Variants in PDE10A observed in about 807,000 individuals in gnomAD.
PDE10A encodes cAMP and cAMP-inhibited cGMP 3',5'-cyclic phosphodiesterase 10A.
A neutral mutation model predicts 97.7 loss-of-function variants in PDE10A; 39 were observed. That is an observed-to-expected ratio of 0.40 (90% CI 0.31 to 0.52). PDE10A has a LOEUF of 0.52. PDE10A is among the 20% of genes least tolerant of loss of function. PDE10A has a pLI of 0.56. For missense variants in PDE10A, 731 were observed against 1,047.8 expected, an observed-to-expected ratio of 0.70 and a Z score of 4.17; for synonymous variants, 371 against 376.8, an observed-to-expected ratio of 0.98 and a Z score of 0.18.
intron 1 of PDE10A, among the ~76,000 whole-genome samples, chr6:165,930,033 CA>C (rs1783079302): frequency 6.8e-6 from 1 of 148,118 alleles, no homozygotes; most frequent in South Asian, 2.2e-4. Context: ...CATATCACTC[CA>C]GAAATGAGGG....
At chr6:165,875,560 A>G (rs1055582918) in intron 1 of PDE10A, among the ~76,000 whole-genome samples, 1 of 152,206 alleles carries the variant, frequency 6.6e-6, no homozygotes, top group Non-Finnish European at 1.5e-5. Flanking sequence ...TTGATTTTAT[A>G]AGTTTTTACT....
intron 2 of PDE10A, among the ~76,000 whole-genome samples, chr6:165,483,801 A>T (rs1171939637): frequency 6.6e-6 from 1 of 152,232 alleles, no homozygotes; most frequent in East Asian, 1.9e-4. Flanking sequence ...TCTGAAAATT[A>T]GTTCAAGGAC....
chr6:165,577,945 T>C (rs1055326456), intron 1 of PDE10A, among the ~76,000 whole-genome samples: 3 of 152,092 alleles, frequency 2.0e-5, no homozygotes, highest in Non-Finnish European at 2.9e-5. Flanking sequence ...TCTCTAAACA[T>C]GGGCCCTGCC....
chr6:165,884,237 G>A (rs1009660828), intron 1 of PDE10A, among the ~76,000 whole-genome samples: 2 of 152,184 alleles, frequency 1.3e-5, no homozygotes, highest in African/African-American at 2.4e-5. Flanking sequence ...AGGCAAGGGT[G>A]GGGGACAGGA....
intron 1 of PDE10A, among the ~76,000 whole-genome samples, chr6:165,966,248 G>A (rs1784507375): frequency 6.6e-6 from 1 of 152,240 alleles, no homozygotes; most frequent in Non-Finnish European, 1.5e-5. Context: ...GGTAAGTCAG[G>A]TCACTGTGAG....
In PDE10A at chr6:165,418,601, G is replaced by A. The variant is rs374186722; in HGVS notation, c.1796+34C>T. The A allele has an allele frequency of 1.1e-4, 182 of 1,600,128 alleles. 1 individual carries two copies. Among genetic ancestry groups the A allele is most frequent in the South Asian group, 9.5e-4 (86 of 90,738 alleles). ...GTAACGGAACGCCTGCACATCTACCGTAAGAGGATAGGACATTCTACTTCT... is the reference window on the plus strand; with the variant it reads ...GTAACGGAACGCCTGCACATCTACCATAAGAGGATAGGACATTCTACTTCT... On this transcript the variant is annotated intron_variant, in intron 11 of 21. Transcript: ENST00000539869. This position sits in a 1 kb window ranked among gnomAD's most constrained non-coding sequence, Gnocchi z 4.8.
intron 1 of PDE10A, among the ~76,000 whole-genome samples, chr6:165,695,452 C>T (rs1267205985): frequency 6.6e-6 from 1 of 152,164 alleles, no homozygotes; most frequent in African/African-American, 2.4e-5. Flanking sequence ...GGGCCCTCCC[C>T]AGCACCCAGC....
chr6:165,484,359 G>A (rs74594655), intron 2 of PDE10A, among the ~76,000 whole-genome samples: 72 of 152,324 alleles, frequency 4.7e-4, no homozygotes, highest in African/African-American at 1.6e-3. Context: ...GGCGGCAAGC[G>A]GGCGAAGCTT....
At chr6:165,457,820 G>C (rs1248685515) in intron 3 of PDE10A, among the ~76,000 whole-genome samples, 2 of 152,160 alleles carry the variant, frequency 1.3e-5, no homozygotes, top group African/African-American at 4.8e-5. Flanking sequence ...AGTTTCACCG[G>C]GAGGACAAAT....
At chr6:165,546,357 G>C (rs78647720) in intron 1 of PDE10A, among the ~76,000 whole-genome samples, 2,783 of 152,110 alleles carry the variant, frequency 0.018, 33 homozygotes, top group Non-Finnish European at 0.027. Flanking sequence ...ATGACACTAT[G>C]AATTTGCCAA....
chr6:165,826,834 G>A (rs551484908), intron 1 of PDE10A, among the ~76,000 whole-genome samples: 1 of 152,092 alleles, frequency 6.6e-6, no homozygotes, highest in East Asian at 1.9e-4. Context: ...GAGGGGTGCT[G>A]GGGACACGGA....
intron 2 of PDE10A, among the ~76,000 whole-genome samples, chr6:165,540,339 T>G (rs568907823): frequency 6.6e-6 from 1 of 152,320 alleles, no homozygotes; most frequent in African/African-American, 2.4e-5. Context: ...CAGGTGTTTT[T>G]TTCTTTTATT....
At chr6:165,758,842 G>A (rs1793186329) in intron 1 of PDE10A, among the ~76,000 whole-genome samples, 1 of 152,210 alleles carries the variant, frequency 6.6e-6, no homozygotes, top group African/African-American at 2.4e-5. Context: ...CACTTAAATG[G>A]CTTACAGAGA....
At chr6:165,762,319 C>T (rs1044203169) in intron 1 of PDE10A, among the ~76,000 whole-genome samples, 2 of 152,156 alleles carry the variant, frequency 1.3e-5, no homozygotes, top group African/African-American at 4.8e-5. Context: ...ACCTTCTTCC[C>T]TGGCAATACG....
At chr6:165,727,057 C>T (rs1792317108) in intron 1 of PDE10A, among the ~76,000 whole-genome samples, 1 of 152,192 alleles carries the variant, frequency 6.6e-6, no homozygotes, top group Non-Finnish European at 1.5e-5. Context: ...CTGCCCTGCA[C>T]CCAGGCTGCT....
chr6:165,888,388 T>C (rs6934913), intron 1 of PDE10A, among the ~76,000 whole-genome samples: 37,843 of 151,610 alleles, frequency 0.25, 5,552 homozygotes, highest in African/African-American at 0.41. Flanking sequence ...CAGGTTTAAG[T>C]GATTCCTCTG....
intron 1 of PDE10A, among the ~76,000 whole-genome samples, chr6:165,772,104 T>C (rs534715288): frequency 6.6e-6 from 1 of 152,238 alleles, no homozygotes; most frequent in East Asian, 1.9e-4. Flanking sequence ...ACTAAAATAG[T>C]GTTTAACTCT....
At chr6:165,724,681 C>T (rs1227808478) in intron 1 of PDE10A, among the ~76,000 whole-genome samples, 2 of 152,176 alleles carry the variant, frequency 1.3e-5, no homozygotes, top group African/African-American at 4.8e-5. Flanking sequence ...CCCAAAGTTT[C>T]TCATTTTCCC....
chr6:165,816,318 C>G (rs1223460940), intron 1 of PDE10A, among the ~76,000 whole-genome samples: 1 of 152,194 alleles, frequency 6.6e-6, no homozygotes, highest in Non-Finnish European at 1.5e-5. Flanking sequence ...ACTTGAATAA[C>G]CATTCAGTTA....
Sources: allele counts gnomAD v4.1 joint callset (sites outside exome capture counted in the v4.1 genomes callset), GRCh38; gene constraint gnomAD v4.1.1; non-coding constraint Gnocchi (gnomAD v3.1); transcripts MANE v1.5; gene names NCBI Gene and HGNC (gene_info 2026-07-23, HGNC 2026-07-21).